Variants in ADGRV1 observed in about 807,000 individuals in gnomAD.
The protein encoded by ADGRV1 is adhesion G protein-coupled receptor V1.
In ADGRV1, 359 loss-of-function variants were observed where a neutral mutation model predicts 596.2. The ratio of observed to expected loss-of-function variants is 0.60; its 90% CI spans 0.55 to 0.66. The LOEUF is 0.66. Among genes scored for constraint, ADGRV1 ranks in the 30% least tolerant of loss-of-function variants. ADGRV1 has a pLI of 0.00. For synonymous variants in ADGRV1, 2,681 were observed against 2,679.2 expected, an observed-to-expected ratio of 1.00 and a Z score of -0.02; for missense variants, 7,274 against 7,575.6, an observed-to-expected ratio of 0.96 and a Z score of 1.48.
intron 84 of ADGRV1, among the ~76,000 whole-genome samples, chr5:90,982,585 C>G (rs1226115871): frequency 6.6e-6 from 1 of 152,186 alleles, no homozygotes; most frequent in African/African-American, 2.4e-5. Flanking sequence ...AGAACTGTAA[C>G]TACAGTTAGA....
rs1260874342 is a variant in ADGRV1 at position 90,729,686 on chromosome 5, TCTTC to T, written c.10476_10479del (p.Phe3493GlyfsTer6). 3 of 1,606,210 alleles carry T rather than the reference TCTTC, an allele frequency of 1.9e-6. No homozygotes were observed. Among genetic ancestry groups the T allele is most frequent in the Non-Finnish European group, 2.6e-6 (3 of 1,173,286 alleles). On this transcript the variant is annotated frameshift_variant, in exon 50 of 90. Coordinates refer to ENST00000405460, the MANE Select transcript of ADGRV1 (RefSeq NM_032119.4). LOFTEE classifies it high-confidence loss of function. ...TATTTTCATCTGGGAGATGGGACAGTCTTCCTTCAGGTATTTTCAGTCTGTAGAT... is the reference window on the plus strand; with the variant it reads ...TATTTTCATCTGGGAGATGGGACAGTCTTCAGGTATTTTCAGTCTGTAGAT...
At chr5:90,886,052 T>C (rs968151305) in intron 83 of ADGRV1, among the ~76,000 whole-genome samples, 1 of 152,180 alleles carries the variant, frequency 6.6e-6, no homozygotes, top group African/African-American at 2.4e-5. Flanking sequence ...ATAGTTGTAC[T>C]TAGAAGGCAC....
intron 83 of ADGRV1, among the ~76,000 whole-genome samples, chr5:90,878,146 A>G (rs1769395213): frequency 6.6e-6 from 1 of 152,234 alleles, no homozygotes; most frequent in Non-Finnish European, 1.5e-5. Flanking sequence ...TTTCTCCTAA[A>G]TAGAAGCAAG....
chr5:91,042,994 A>AT (rs1389724511), intron 85 of ADGRV1, among the ~76,000 whole-genome samples: 2 of 152,034 alleles, frequency 1.3e-5, no homozygotes, highest in African/African-American at 4.8e-5. Flanking sequence ...AACCCCAAGC[A>AT]TTTTTATTAA....
At chr5:90,813,131 T>C (rs1762586065) in intron 74 of ADGRV1, among the ~76,000 whole-genome samples, 1 of 3,162 alleles carries the variant, frequency 3.2e-4, no homozygotes, top group Non-Finnish European at 4.3e-3. Flanking sequence ...AGACTCCGTC[T>C]CAAAAAAAAA....
chr5:90,975,019 C>A (rs1374133718), intron 84 of ADGRV1, among the ~76,000 whole-genome samples: 2 of 151,684 alleles, frequency 1.3e-5, no homozygotes, highest in Non-Finnish European at 1.5e-5. Flanking sequence ...AAACAAACAA[C>A]CCCATCACAA....
At chr5:90,824,722 G>C (rs1763925359) in intron 76 of ADGRV1, among the ~76,000 whole-genome samples, 1 of 152,102 alleles carries the variant, frequency 6.6e-6, no homozygotes, top group East Asian at 1.9e-4. Context: ...GCTGTATAAT[G>C]AAACCAATTT....
At chr5:91,147,399 T>C (rs1292590582) in intron 87 of ADGRV1, among the ~76,000 whole-genome samples, 1 of 152,116 alleles carries the variant, frequency 6.6e-6, no homozygotes, top group Non-Finnish European at 1.5e-5. Context: ...CCCACCCAAA[T>C]CTCGCCTTGG....
At chr5:90,759,763 A>ACAC in intron 58 of ADGRV1, 175 bp downstream of exon 58, 6 of 610,368 alleles carry the variant, frequency 9.8e-6, no homozygotes, top group Non-Finnish European at 1.8e-5. Flanking sequence ...CAGGAGATTG[A>ACAC]CACCATCCTG....
At chr5:90,559,340 G>A (rs1476637444) in intron 1 of ADGRV1, among the ~76,000 whole-genome samples, 1 of 152,112 alleles carries the variant, frequency 6.6e-6, no homozygotes, top group Non-Finnish European at 1.5e-5. Context: ...ATTGATAATG[G>A]GAAGGGTGAG....
At chr5:90,692,046 C>T (rs928063415) in intron 31 of ADGRV1, among the ~76,000 whole-genome samples, 2 of 152,034 alleles carry the variant, frequency 1.3e-5, no homozygotes, top group South Asian at 2.1e-4. Context: ...TATACAAGTT[C>T]ATAAAATTTA....
At chr5:90,971,620 G>A (rs79940716) in intron 84 of ADGRV1, among the ~76,000 whole-genome samples, 1 of 152,144 alleles carries the variant, frequency 6.6e-6, no homozygotes, top group Non-Finnish European at 1.5e-5. Context: ...AAGTGAAGGA[G>A]AAATAAAATC....
intron 83 of ADGRV1, among the ~76,000 whole-genome samples, chr5:90,959,602 T>C (rs1388262390): frequency 6.6e-6 from 1 of 152,114 alleles, no homozygotes; most frequent in South Asian, 2.1e-4. Flanking sequence ...GGTGTAAACA[T>C]AGACAAATAG....
In ADGRV1 at chr5:90,643,302, C is replaced by A. The variant is rs529843158; in HGVS notation, c.2553+261C>A. ...TCAGTGTGTGATCAGTTTTCATCTCCTTTTAGCTTTATTCATGTTAAGGCT... is the reference window on the plus strand; with the variant it reads ...TCAGTGTGTGATCAGTTTTCATCTCATTTTAGCTTTATTCATGTTAAGGCT... On this transcript the variant is annotated intron_variant, in intron 13 of 89. Transcript: ENST00000405460. 2.0e-5 allele frequency among the ~76,000 whole-genome samples: 3 copies of A among 152,152 alleles called. No individual in the cohort carries two copies. In the East Asian group the frequency reaches 5.8e-4, roughly 29 times the overall value.
Position 90,779,076 on chromosome 5 carries a change from C to T in ADGRV1, c.13061C>T (p.Thr4354Ile), listed in dbSNP as rs1458516634. ...EGPEEFSLTI[T>I]KVELQGRGYD... ...CCAGAGGAATTTTCTCTAACAATTA[C>T]AAAGGTGGAACTCCAGGGAAGGTAA... The change falls in exon 64 of 90, where the codon ACA (threonine) becomes ATA (isoleucine). Residue 4354 changes from threonine (T) to isoleucine (I), a missense_variant. Physicochemically the swap from Thr to Ile is moderately conservative, Grantham distance 89. Coordinates refer to ENST00000405460, the MANE Select transcript of ADGRV1 (RefSeq NM_032119.4). 1.2e-6 allele frequency: 2 copies of T among 1,609,120 alleles called. No homozygotes were observed. Among genetic ancestry groups the T allele is most frequent in the Non-Finnish European group, 8.5e-7 (1 of 1,175,978 alleles).
At chr5:91,019,553 G>A (rs1783454399) in intron 85 of ADGRV1, among the ~76,000 whole-genome samples, 1 of 151,078 alleles carries the variant, frequency 6.6e-6, no homozygotes, top group African/African-American at 2.4e-5. Context: ...TTTGAACATT[G>A]CTGTACATTA....
chr5:90,942,064 T>C (rs939646904), intron 83 of ADGRV1, among the ~76,000 whole-genome samples: 2 of 152,210 alleles, frequency 1.3e-5, no homozygotes, highest in African/African-American at 4.8e-5. Flanking sequence ...GCCTATCTTA[T>C]CTAAACCAAA....
At chr5:90,954,782 A>C (rs962796778) in intron 83 of ADGRV1, among the ~76,000 whole-genome samples, 2 of 151,968 alleles carry the variant, frequency 1.3e-5, no homozygotes, top group Non-Finnish European at 2.9e-5. Context: ...TCTACCTACT[A>C]GGATATTTAC....
intron 83 of ADGRV1, among the ~76,000 whole-genome samples, chr5:90,866,327 G>GTGTGTA (rs1261955429): frequency 6.6e-6 from 1 of 151,552 alleles, no homozygotes; most frequent in Non-Finnish European, 1.5e-5. Context: ...GTGTGTGTGT[G>GTGTGTA]TGTGTGTGTG....
Sources: allele counts gnomAD v4.1 joint callset (sites outside exome capture counted in the v4.1 genomes callset), GRCh38; gene constraint gnomAD v4.1.1; transcripts MANE v1.5; gene names NCBI Gene and HGNC (gene_info 2026-07-23, HGNC 2026-07-21).